ATF6: variants seen among roughly 807,000 people sequenced by gnomAD.
ATF6 encodes the protein activating transcription factor 6.
In ATF6, 53 loss-of-function variants were observed where a neutral mutation model predicts 83.6. The observed-to-expected ratio is 0.63, with a 90% CI of 0.51 to 0.80. The LOEUF (loss-of-function observed/expected upper bound fraction) is 0.80. Ranked by LOEUF, ATF6 falls within the 30% of genes least tolerant of loss-of-function variation. The pLI, the probability that ATF6 is intolerant of heterozygous loss-of-function variation, is 0.00. For missense variants in ATF6, 744 were observed against 797.9 expected (o/e 0.93, Z 0.81); for synonymous variants, 288 against 285.8 (o/e 1.01, Z -0.08).
At chr1:161,954,299 C>T (rs1470992922) in intron 15 of ATF6, among the ~76,000 whole-genome samples, 1 of 152,136 alleles carries the variant, frequency 6.6e-6, no homozygotes, top group Non-Finnish European at 1.5e-5. Flanking sequence ...TCTCGTGGTC[C>T]ATGAGTGAGT....
At chr1:161,804,186 C>A (rs1685224431) in intron 7 of ATF6, among the ~76,000 whole-genome samples, 1 of 151,530 alleles carries the variant, frequency 6.6e-6, no homozygotes, top group African/African-American at 2.4e-5. Context: ...TTATATAATA[C>A]CCCCAAATGA....
At chr1:161,846,717 T>C in intron 10 of ATF6, 137 bp downstream of exon 10, 2 of 813,534 alleles carry the variant, frequency 2.5e-6, no homozygotes, top group Non-Finnish European at 1.7e-6. Flanking sequence ...ACTGAAACCA[T>C]TAATACATTT....
intron 15 of ATF6, among the ~76,000 whole-genome samples, chr1:161,919,831 A>C (rs1688167833): frequency 6.6e-6 from 1 of 152,268 alleles, no homozygotes; most frequent in African/African-American, 2.4e-5. Flanking sequence ...AAAATCTAGA[A>C]GAGCTTAATA....
chr1:161,858,950 G>A (rs1384744183), intron 12 of ATF6, among the ~76,000 whole-genome samples: 2 of 152,162 alleles, frequency 1.3e-5, no homozygotes, highest in Non-Finnish European at 2.9e-5. Context: ...TTTCATATGG[G>A]CCAAAGTAGC....
rs994337986 is a variant in ATF6 at position 161,963,183 on chromosome 1, G to C, written c.*4529G>C. On this transcript the variant is annotated 3_prime_UTR_variant, in exon 16 of 16. Transcript: ENST00000367942. ...TTTTCTCCTACCTAAAAAAAAGAAA[G>C]TAAAGTGTGTTCTGTTCTTATCTTT... is the stretch of plus-strand genomic sequence containing the variant. 1 of 152,146 alleles carries C rather than the reference G, an allele frequency of 6.6e-6. No individual in the cohort carries two copies. The highest frequency in any genetic ancestry group is 1.5e-5 in the Non-Finnish European group (1 of 68,022). The allele number at this position is 152,146 out of a possible 1,614,324, so 9.4% of individuals were successfully genotyped here. A position where few individuals can be genotyped will look rare whatever the true frequency, so the allele number is the denominator to read the frequency against.
At chr1:161,785,314 C>A (rs572070442) in intron 4 of ATF6, among the ~76,000 whole-genome samples, 1 of 152,302 alleles carries the variant, frequency 6.6e-6, no homozygotes, top group South Asian at 2.1e-4. Context: ...TCAAAAACTA[C>A]TTCCTTTATG....
At chr1:161,871,067 T>A (rs1014554397) in intron 14 of ATF6, among the ~76,000 whole-genome samples, 4 of 151,688 alleles carry the variant, frequency 2.6e-5, no homozygotes, top group African/African-American at 4.8e-5. Context: ...GCAGAGTAAG[T>A]CCTAAATAAA....
intron 15 of ATF6, among the ~76,000 whole-genome samples, chr1:161,956,779 G>A (rs9287066): frequency 0.64 from 96,844 of 152,068 alleles, 32,414 homozygotes; most frequent in Non-Finnish European, 0.75. Flanking sequence ...ACCAACAGAA[G>A]TGGAGGAATT....
At chr1:161,942,678 C>T (rs1688671795) in intron 15 of ATF6, among the ~76,000 whole-genome samples, 1 of 152,198 alleles carries the variant, frequency 6.6e-6, no homozygotes, top group Non-Finnish European at 1.5e-5. Flanking sequence ...GATTATCACA[C>T]ACTTTGAAAT....
intron 14 of ATF6, among the ~76,000 whole-genome samples, chr1:161,868,343 A>G (rs551511366): frequency 6.6e-6 from 1 of 152,288 alleles, no homozygotes; most frequent in African/African-American, 2.4e-5. Context: ...TTTGGCAGGC[A>G]CTGGGAGCTT....
chr1:161,905,048 G>T (rs1230814448), intron 14 of ATF6, among the ~76,000 whole-genome samples: 1 of 152,190 alleles, frequency 6.6e-6, no homozygotes, highest in Non-Finnish European at 1.5e-5. Flanking sequence ...CTTTGAAAAG[G>T]ATCAAGATCT....
chr1:161,908,898 G>C (rs1361825123), intron 14 of ATF6, among the ~76,000 whole-genome samples: 1 of 152,068 alleles, frequency 6.6e-6, no homozygotes, highest in East Asian at 1.9e-4. Context: ...TCCTTAATAA[G>C]TATTTAAGTA....
chr1:161,781,035 T>G (rs1684625641), intron 2 of ATF6, among the ~76,000 whole-genome samples: 1 of 152,234 alleles, frequency 6.6e-6, no homozygotes, highest in African/African-American at 2.4e-5. Context: ...ATTTATGTAT[T>G]AAGTTTACTT....
chr1:161,849,742 T>C (rs371161586), intron 10 of ATF6, among the ~76,000 whole-genome samples: 1 of 152,144 alleles, frequency 6.6e-6, no homozygotes, highest in Non-Finnish European at 1.5e-5. Flanking sequence ...TATGTCCTGA[T>C]GACTCTCAAA....
chr1:161,951,855 C>T (rs1004769242), intron 15 of ATF6, among the ~76,000 whole-genome samples: 8 of 152,184 alleles, frequency 5.3e-5, no homozygotes, highest in East Asian at 1.9e-4. Context: ...ATGCTGACTA[C>T]GGTTTTGTGG....
At chr1:161,880,295 C>G (rs999215440) in intron 14 of ATF6, among the ~76,000 whole-genome samples, 1 of 151,636 alleles carries the variant, frequency 6.6e-6, no homozygotes, top group Non-Finnish European at 1.5e-5. Context: ...ATAAACTGCA[C>G]ATATTTAACA....
At position 161,831,944 on chromosome 1, in the gene ATF6, T is replaced by TTA. The variant is rs1686073154; in HGVS notation, c.1187+10783_1187+10784insTA. Among the ~76,000 whole-genome samples, 4 of 130,546 alleles carry TTA rather than the reference T, an allele frequency of 3.1e-5. No individual in the cohort carries two copies. In the East Asian group the frequency reaches 8.7e-4, roughly 28 times the overall value. 85.6% of individuals were successfully genotyped at this position (130,546 alleles called of 152,430 possible). A position where few individuals can be genotyped will look rare whatever the true frequency, so the allele number is the denominator to read the frequency against. ...ATGTACCCTAGAACTTAAAGTATAA[T>TTA]AAAAAAAAAAAAAGAAAGAAAAATT... On this transcript the variant is annotated intron_variant, in intron 9 of 15. Transcript: ENST00000367942.
intron 15 of ATF6, among the ~76,000 whole-genome samples, chr1:161,914,410 G>A (rs1558023017): frequency 1.3e-5 from 2 of 152,034 alleles, no homozygotes; most frequent in African/African-American, 2.4e-5. Context: ...TGTTGCTGCC[G>A]TCTACTCCAC....
At chr1:161,798,588 G>T (rs187348649) in intron 6 of ATF6, among the ~76,000 whole-genome samples, 130 of 152,162 alleles carry the variant, frequency 8.5e-4, no homozygotes, top group African/African-American at 3.0e-3. Flanking sequence ...CTCCAGCCTG[G>T]GTGACAGAGC....
Sources: gnomAD v4.1 joint callset for allele counts (sites outside exome capture counted in the v4.1 genomes callset) on GRCh38, gnomAD v4.1.1 for gene constraint, MANE v1.5 for transcripts, NCBI Gene and HGNC (gene_info 2026-07-23, HGNC 2026-07-21) for gene names.